Variants in MRPL45 observed in about 807,000 individuals in gnomAD.
MRPL45 encodes large ribosomal subunit protein mL45.
In MRPL45, 20 loss-of-function variants were observed where a neutral mutation model predicts 38.1. That is an observed-to-expected ratio of 0.53 (90% CI 0.37 to 0.76). The LOEUF (loss-of-function observed/expected upper bound fraction) is 0.76. MRPL45 is among the 30% of genes least tolerant of loss of function. MRPL45 has a pLI of 0.00. For synonymous variants in MRPL45, 105 were observed against 128.8 expected (o/e 0.82, Z 1.25); for missense variants, 337 against 395.6 (o/e 0.85, Z 1.26).
intron 4 of MRPL45, among the ~76,000 whole-genome samples, chr17:38,315,520 C>G (rs1473868334): frequency 1.3e-5 from 2 of 151,612 alleles, no homozygotes; most frequent in African/African-American, 4.8e-5. Flanking sequence ...CCTCTTGCCT[C>G]TGCCTCCCAA....
chr17:38,313,320 A>ATATATATATATATATATATACG (rs2037137775), intron 4 of MRPL45, among the ~76,000 whole-genome samples: 2 of 15,430 alleles, frequency 1.3e-4, no homozygotes, highest in African/African-American at 2.7e-4. Flanking sequence ...AAATATATAT[A>ATATATATATATATATATATACG]TATATATATA....
intron 4 of MRPL45, among the ~76,000 whole-genome samples, chr17:38,313,943 G>T (rs1361034120): frequency 1.3e-5 from 2 of 152,116 alleles, no homozygotes; most frequent in Admixed American, 1.3e-4. Flanking sequence ...GATTACAGGC[G>T]TGAGCCACTG....
intron 3 of MRPL45, among the ~76,000 whole-genome samples, chr17:38,299,697 T>G (rs2144199107): frequency 6.6e-6 from 1 of 151,624 alleles, no homozygotes; most frequent in East Asian, 1.9e-4. Context: ...AGTTAGGGAG[T>G]TGACTTTGGA....
At chr17:38,306,102 C>G (rs904046686) in intron 3 of MRPL45, among the ~76,000 whole-genome samples, 4 of 151,844 alleles carry the variant, frequency 2.6e-5, no homozygotes, top group Non-Finnish European at 5.9e-5. Context: ...ATTTCCAGGA[C>G]TTGACACATT....
Position 38,320,740 on chromosome 17 carries a change from G to T in MRPL45, c.633G>T (p.Gln211His). The T allele has an allele frequency of 6.2e-7, 1 of 1,614,106 alleles. No individual in the cohort carries two copies. The highest frequency in any genetic ancestry group is 1.3e-5 in the African/African-American group (1 of 75,032). Reference protein sequence around the residue: ...SMMNQGNVYGQITVRMHTRQT... With the variant: ...SMMNQGNVYGHITVRMHTRQT... ...TGAACCAGGGCAACGTGTACGGCCA[G>T]ATCACCGTACGCATGCACACCCGGC... The change falls in exon 6 of 8, where the codon CAG becomes CAT. Residue 211 changes from glutamine to histidine, a missense_variant. Coordinates refer to ENST00000613675, the MANE Select transcript of MRPL45 (RefSeq NM_032351.6).
intron 4 of MRPL45, among the ~76,000 whole-genome samples, chr17:38,313,811 C>G (rs892591591): frequency 1.3e-5 from 2 of 151,142 alleles, no homozygotes; most frequent in Admixed American, 6.6e-5. Context: ...TACAGGCATG[C>G]ACCACCATGC....
At position 38,322,210 on chromosome 17, in the gene MRPL45, G is replaced by T; in HGVS notation, c.745G>T (p.Glu249Ter). Residue 249 changes from glutamate (E) to a stop codon, truncating the protein, a stop_gained, in exon 7 of 8, where the codon GAA becomes TAA. Transcript: ENST00000613675. LOFTEE classifies it high-confidence loss of function. ...GGATGTCCTGGAGTATGTTGTATTCGAAAAGCAGTTGACAAACCCCTATGG... is the reference window on the plus strand; with the variant it reads ...GGATGTCCTGGAGTATGTTGTATTCTAAAAGCAGTTGACAAACCCCTATGG... ...PKDVLEYVVF[E>*]KQLTNPYGSW... The T allele has an allele frequency of 6.2e-7, 1 of 1,614,058 alleles. No individual in the cohort carries two copies. Among genetic ancestry groups the T allele is most frequent in the South Asian group, 1.1e-5 (1 of 91,082 alleles).
chr17:38,320,099 G>A (rs2037215209), intron 5 of MRPL45, among the ~76,000 whole-genome samples: 2 of 152,028 alleles, frequency 1.3e-5, no homozygotes, highest in African/African-American at 2.4e-5. Flanking sequence ...CAAGATTGCC[G>A]TCTCAAAAAT....
At chr17:38,305,616 G>T (rs985324782) in intron 3 of MRPL45, among the ~76,000 whole-genome samples, 12 of 146,802 alleles carry the variant, frequency 8.2e-5, no homozygotes, top group African/African-American at 2.8e-4. Context: ...CTCCCAAGTA[G>T]CTGGGATTAC....
chr17:38,316,153 T>C (rs779416021), intron 4 of MRPL45, among the ~76,000 whole-genome samples: 1 of 152,212 alleles, frequency 6.6e-6, no homozygotes, highest in Non-Finnish European at 1.5e-5. Context: ...TTTGGTATAC[T>C]TGATGATGTC....
At chr17:38,319,270 C>T (rs1011060977) in intron 5 of MRPL45, among the ~76,000 whole-genome samples, 1 of 151,908 alleles carries the variant, frequency 6.6e-6, no homozygotes, top group Admixed American at 6.6e-5. Context: ...CTTCTGACCT[C>T]GTGATCCGGC....
In MRPL45 at chr17:38,306,611, A is replaced by C; in HGVS notation, c.441A>C (p.Glu147Asp). ...FPEKAKDIFI[E>D]AHLCLNNSDH... The stretch of plus-strand genomic sequence containing the variant: ...AAAAAGCTAAGGATATCTTTATTGA[A>C]GCTCACCTTTGTCTAAATAAGTAAG... Residue 147 changes from glutamate (E) to aspartate (D), a missense_variant, in exon 4 of 8, where the codon GAA becomes GAC. Around this residue, in one of 3 missense-constraint regions of MRPL45, gnomAD observed 251 missense variants for 269.1 expected, o/e 0.93. Transcript: ENST00000613675. 6.2e-7 allele frequency: 1 copy of C among 1,613,530 alleles called. No individual in the cohort carries two copies.
chr17:38,306,281 C>T (rs147659073), intron 3 of MRPL45, among the ~76,000 whole-genome samples: 2,971 of 151,920 alleles, frequency 0.02, 93 homozygotes, highest in African/African-American at 0.067. Flanking sequence ...TGGTCGCGGG[C>T]GCCTGTAGTG....
chr17:38,315,397 G>A (rs1459252658), intron 4 of MRPL45, among the ~76,000 whole-genome samples: 1 of 151,964 alleles, frequency 6.6e-6, no homozygotes, highest in Non-Finnish European at 1.5e-5. Flanking sequence ...TGGGACTACA[G>A]GTGTGTGCCA....
chr17:38,299,342 T>G lies in MRPL45; in HGVS notation c.245-9T>G. On this transcript the variant is annotated splice_polypyrimidine_tract_variant and intron_variant, in intron 2 of 7. Coordinates refer to ENST00000613675, the MANE Select transcript of MRPL45 (RefSeq NM_032351.6). ...ACACTTTCTTAATTTTTTTCTTCCT[T>G]TATTACAGCTGGTATATTTGATGCC... The G allele has an allele frequency of 2.6e-6, 4 of 1,527,288 alleles. No individual in the cohort carries two copies. The highest frequency in any genetic ancestry group is 3.5e-6 in the Non-Finnish European group (4 of 1,129,356). 94.6% of individuals were successfully genotyped at this position (1,527,288 alleles called of 1,614,324 possible).
intron 5 of MRPL45, 45 bp from the exon 6 acceptor site, chr17:38,320,573 A>C (rs749839522): frequency 1.9e-6 from 3 of 1,602,620 alleles, no homozygotes; most frequent in Non-Finnish European, 1.7e-6. Flanking sequence ...AGCTTCCTTA[A>C]AGGGAGGGAA....
At position 38,322,269 on chromosome 17, in the gene MRPL45, A is replaced by T. The variant is rs1567719766; in HGVS notation, c.804A>T (p.Pro268=). Residue 268 remains proline, a synonymous_variant, in exon 7 of 8, where the codon CCA becomes CCT. Coordinates refer to ENST00000613675, the MANE Select transcript of MRPL45 (RefSeq NM_032351.6). ...GAATGCATACCAAGATCGTTCCCCC[A>T]TGGGCACCCCCTAAGCAGCCCATCC... ...SWRMHTKIVP[P]WAPPKQPILK... 1.9e-6 allele frequency: 3 copies of T among 1,614,014 alleles called. No homozygotes were observed. Among genetic ancestry groups the T allele is most frequent in the Admixed American group, 3.3e-5 (2 of 60,008 alleles).
chr17:38,313,320 ATATATATATATACATATATATATATACGT>A (rs2037137838), intron 4 of MRPL45, among the ~76,000 whole-genome samples: 1 of 15,426 alleles, frequency 6.5e-5, no homozygotes, highest in African/African-American at 2.7e-4. Context: ...AAATATATAT[ATATATATATATACATATATATATATACGT>A]ATATATATAT....
intron 3 of MRPL45, among the ~76,000 whole-genome samples, 195 bp from the exon 4 acceptor site, chr17:38,306,338 G>C (rs2037053789): frequency 6.6e-6 from 1 of 151,860 alleles, no homozygotes; most frequent in Admixed American, 6.6e-5. Flanking sequence ...GAACCTGGGA[G>C]GCAGAGCTTG....
Sources: allele counts gnomAD v4.1 joint callset (sites outside exome capture counted in the v4.1 genomes callset), GRCh38; gene constraint gnomAD v4.1.1; regional missense constraint gnomAD v4.1.1; transcripts MANE v1.5; gene names NCBI Gene and HGNC (gene_info 2026-07-23, HGNC 2026-07-21).